Variants in TPO observed in about 807,000 individuals in gnomAD.
The protein encoded by TPO is thyroid peroxidase.
TPO carries 78 observed loss-of-function variants against 96.9 expected under a neutral mutation model. The ratio of observed to expected loss-of-function variants is 0.81; its 90% CI spans 0.67 to 0.97. TPO has a LOEUF of 0.97. Ranked by LOEUF, TPO falls within the 50% of genes least tolerant of loss-of-function variation. The pLI is 0.00. For missense variants in TPO, 1,252 were observed against 1,274.8 expected (o/e 0.98, Z 0.27); for synonymous variants, 547 against 538.0 (o/e 1.02, Z -0.23).
chr2:1,423,812 G>T (rs1404105123), intron 3 of TPO, among the ~76,000 whole-genome samples: 4 of 152,096 alleles, frequency 2.6e-5, no homozygotes, highest in Non-Finnish European at 4.4e-5. Context: ...CATATTGGCT[G>T]CAAACAAATT....
chr2:1,382,187 C>G (rs1225729946), intron 1 of TPO, among the ~76,000 whole-genome samples: 1 of 152,198 alleles, frequency 6.6e-6, no homozygotes, highest in Non-Finnish European at 1.5e-5. Context: ...TTCAGTCCCA[C>G]TAGGGCACAG....
chr2:1,516,639 TAGAG>T (rs1674742922), intron 14 of TPO, among the ~76,000 whole-genome samples: 1 of 152,204 alleles, frequency 6.6e-6, no homozygotes, highest in East Asian at 1.9e-4. Context: ...TGAGGTTCCA[TAGAG>T]AGAGCTAACT....
chr2:1,527,852 C>CCCCGTACTGTGTGCAACCTCCTAAAT (rs1491218092), intron 15 of TPO, among the ~76,000 whole-genome samples: 20 of 36,096 alleles, frequency 5.5e-4, no homozygotes, highest in South Asian at 2.7e-3. Flanking sequence ...CTCCTCAAAT[C>CCCCGTACTGTGTGCAACCTCCTAAAT]CCCCCCACTG....
intron 7 of TPO, among the ~76,000 whole-genome samples, chr2:1,460,218 G>A (rs948489930): frequency 6.6e-6 from 1 of 152,134 alleles, no homozygotes; most frequent in Non-Finnish European, 1.5e-5. Flanking sequence ...TTACAGGTAT[G>A]AGCCACTGTG....
chr2:1,478,953 G>T (rs915646963), intron 8 of TPO, among the ~76,000 whole-genome samples: 1 of 152,214 alleles, frequency 6.6e-6, no homozygotes, highest in Non-Finnish European at 1.5e-5. Context: ...ACACAGTAGC[G>T]CTTGGTGGGG....
intron 15 of TPO, 108 bp downstream of exon 15, chr2:1,517,090 T>C (rs1344232796): frequency 2.6e-6 from 3 of 1,157,782 alleles, no homozygotes; most frequent in Admixed American, 4.0e-5. Context: ...CACAGGTTAC[T>C]GGTATCTCAA....
At chr2:1,445,233 A>T (rs1203781679) in intron 5 of TPO, among the ~76,000 whole-genome samples, 10 of 134,598 alleles carry the variant, frequency 7.4e-5, no homozygotes, top group African/African-American at 2.8e-4. Flanking sequence ...TTGGAAGGGA[A>T]TGGGCAGGCT....
At chr2:1,438,088 C>T (rs541776580) in intron 5 of TPO, among the ~76,000 whole-genome samples, 2 of 151,282 alleles carry the variant, frequency 1.3e-5, no homozygotes, top group African/African-American at 2.4e-5. Flanking sequence ...AGTCAGAAGC[C>T]GGAGCGGAGA....
At chr2:1,410,481 C>A, upstream of TPO, among the ~76,000 whole-genome samples, 1 of 152,208 alleles carries the variant, frequency 6.6e-6, no homozygotes, top group East Asian at 1.9e-4. Context: ...GGGAGAGCCT[C>A]TTGTCTGTGG....
chr2:1,535,148 TCCCCCC>T (rs59350748), intron 15 of TPO, among the ~76,000 whole-genome samples: 54 of 9,242 alleles, frequency 5.8e-3, no homozygotes, highest in Non-Finnish European at 7.0e-3. Context: ...CCTCCCCAAA[TCCCCCC>T]CCCCCCCATT....
intron 1 of TPO, among the ~76,000 whole-genome samples, chr2:1,377,182 A>G (rs1478906427): frequency 6.6e-6 from 1 of 152,234 alleles, no homozygotes; most frequent in African/African-American, 2.4e-5. Context: ...GAAGCTCCAC[A>G]GTGTGTCCTT....
intron 1 of TPO, 152 bp downstream of exon 1, chr2:1,413,697 T>C: frequency 1.0e-6 from 1 of 985,772 alleles, no homozygotes; most frequent in Non-Finnish European, 1.2e-6. Context: ...TGATGAGTGC[T>C]GTTTGCAATG....
At chr2:1,389,383 G>A (rs1242082629) in intron 1 of TPO, among the ~76,000 whole-genome samples, 3 of 152,230 alleles carry the variant, frequency 2.0e-5, no homozygotes, top group Non-Finnish European at 4.4e-5. Flanking sequence ...TTCCCAGAGA[G>A]TAAAGTCATG....
chr2:1,416,690 TG>T (rs1662997245), intron 2 of TPO, among the ~76,000 whole-genome samples: 1 of 152,258 alleles, frequency 6.6e-6, no homozygotes, highest in Non-Finnish European at 1.5e-5. Context: ...GCTTGAAATG[TG>T]AATGAGTTAC....
chr2:1,422,714 T>C (rs1237983826), intron 2 of TPO, among the ~76,000 whole-genome samples: 1 of 152,242 alleles, frequency 6.6e-6, no homozygotes, highest in East Asian at 1.9e-4. Flanking sequence ...GCAAATCTTA[T>C]CAACTTTACC....
rs377358452 is a variant in TPO, at chr2:1,484,744, C to T, written c.1487C>T (p.Thr496Met). Residue 496 changes from threonine to methionine, a missense_variant, in exon 9 of 17, where the codon ACG becomes ATG. Thr to Met is a moderately conservative substitution (Grantham distance 81, BLOSUM62 -1). Transcript: ENST00000329066. The part of the protein sequence containing the change: ...STAAFRFGHA[T>M]IHPLVRRLDA... ...GCCGCCTTCCGCTTCGGCCATGCCA[C>T]GATCCACCCGCTGGTGAGGAGGCTG... 15 of 1,613,994 alleles carry T rather than the reference C, an allele frequency of 9.3e-6. No homozygotes were observed. The highest frequency in any genetic ancestry group is 6.6e-5 in the South Asian group (6 of 91,084).
intron 3 of TPO, among the ~76,000 whole-genome samples, chr2:1,426,335 T>C (rs1387375772): frequency 2.0e-5 from 3 of 149,974 alleles, no homozygotes; most frequent in Non-Finnish European, 4.5e-5. Flanking sequence ...GTTCGATCAT[T>C]TCATATTCTC....
At chr2:1,487,710 G>C (rs1671303119) in intron 9 of TPO, 111 bp from the exon 10 acceptor site, 3 of 1,414,668 alleles carry the variant, frequency 2.1e-6, no homozygotes, top group East Asian at 4.9e-5. Context: ...ACTCCAGCCT[G>C]GGCAACAGAA....
At chr2:1,513,999 C>G (rs942275378) in intron 14 of TPO, among the ~76,000 whole-genome samples, 1 of 152,180 alleles carries the variant, frequency 6.6e-6, no homozygotes, top group East Asian at 1.9e-4. Context: ...ACATGTGCTT[C>G]TAGCTCTATG....
Sources: gnomAD v4.1 joint callset for allele counts (sites outside exome capture counted in the v4.1 genomes callset) on GRCh38, gnomAD v4.1.1 for gene constraint, MANE v1.5 for transcripts, NCBI Gene and HGNC (gene_info 2026-07-23, HGNC 2026-07-21) for gene names.